Variants in RANBP10 observed in about 807,000 individuals in gnomAD.
RANBP10 encodes the protein ran-binding protein 10.
A neutral mutation model predicts 72.8 loss-of-function variants in RANBP10; 24 were observed. That is an observed-to-expected ratio of 0.33 (90% CI 0.24 to 0.46). The LOEUF (loss-of-function observed/expected upper bound fraction) is 0.46, where lower values mean the gene tolerates loss of function less well. Among genes scored for constraint, RANBP10 ranks in the 20% least tolerant of loss-of-function variants. RANBP10 has a pLI of 1.00. For synonymous variants in RANBP10, 310 were observed against 322.3 expected (o/e 0.96, Z 0.41); for missense variants, 679 against 817.5 (o/e 0.83, Z 2.07).
chr16:67,782,704 C>T (rs1383170176), intron 2 of RANBP10, among the ~76,000 whole-genome samples: 4 of 151,868 alleles, frequency 2.6e-5, no homozygotes, highest in Admixed American at 6.6e-5. Flanking sequence ...CCGCCCAGCT[C>T]GGCTTCCCAA....
chr16:67,765,654 G>A (rs1202255048), intron 3 of RANBP10, among the ~76,000 whole-genome samples: 1 of 151,874 alleles, frequency 6.6e-6, no homozygotes, highest in African/African-American at 2.4e-5. Flanking sequence ...GGCTAACACG[G>A]TGAGACCCCA....
chr16:67,772,402 G>A (rs1392366541), intron 2 of RANBP10, among the ~76,000 whole-genome samples: 1 of 152,190 alleles, frequency 6.6e-6, no homozygotes, highest in Non-Finnish European at 1.5e-5. Flanking sequence ...CTGTAGCTAA[G>A]GCACAGAATC....
chr16:67,749,351 C>G (rs1373427636), intron 3 of RANBP10, among the ~76,000 whole-genome samples: 1 of 152,216 alleles, frequency 6.6e-6, no homozygotes, highest in Non-Finnish European at 1.5e-5. Flanking sequence ...CAGCGGGAAA[C>G]AGGCCAAGAC....
intron 2 of RANBP10, among the ~76,000 whole-genome samples, chr16:67,797,304 A>G (rs2055150614): frequency 6.6e-6 from 1 of 152,242 alleles, no homozygotes; most frequent in East Asian, 1.9e-4. Context: ...GAAGGCAACG[A>G]CGCTCCCCAC....
chr16:67,734,053 T>G (rs897611567), intron 6 of RANBP10, among the ~76,000 whole-genome samples: 3 of 152,180 alleles, frequency 2.0e-5, no homozygotes, highest in African/African-American at 7.2e-5. Context: ...ACCTAGCCCC[T>G]GCCTCAGCCC....
chr16:67,752,701 G>C (rs1037836672), intron 3 of RANBP10, among the ~76,000 whole-genome samples: 2 of 152,062 alleles, frequency 1.3e-5, no homozygotes, highest in African/African-American at 4.8e-5. Context: ...GTTGAAAACA[G>C]AATGTTGCAT....
intron 3 of RANBP10, among the ~76,000 whole-genome samples, chr16:67,754,059 G>GGA (rs1271502309): frequency 6.6e-6 from 1 of 151,774 alleles, no homozygotes; most frequent in Non-Finnish European, 1.5e-5. Flanking sequence ...GCGTGAACCG[G>GGA]GAGGCGGAGC....
At chr16:67,754,805 C>T (rs1056826375) in intron 3 of RANBP10, among the ~76,000 whole-genome samples, 4 of 152,180 alleles carry the variant, frequency 2.6e-5, no homozygotes, top group Non-Finnish European at 4.4e-5. Context: ...CCGTGATAGG[C>T]CCTGGCCAGT....
intron 4 of RANBP10, among the ~76,000 whole-genome samples, chr16:67,742,696 G>A (rs537021027): frequency 1.4e-4 from 21 of 152,316 alleles, no homozygotes; most frequent in Admixed American, 2.6e-4. Context: ...GCCCCCATCC[G>A]TGAGCAAAAT....
chr16:67,783,412 C>G lies in RANBP10; in HGVS notation c.348-11326G>C, dbSNP rs115103868. Among the ~76,000 whole-genome samples the G allele has an allele frequency of 4.0e-3, 602 of 152,262 alleles. 3 individuals are homozygous for G. Among genetic ancestry groups the G allele is most frequent in the African/African-American group, 0.014 (574 of 41,544 alleles). ...TTTGAGAACCCTGCACAGAGAACCC[C>G]TTTGGCAACAAGTCTGACTTCCCCT... On this transcript the variant is annotated intron_variant, in intron 2 of 13. Transcript: ENST00000317506.
chr16:67,782,905 G>GCCATCTCTTAAAAGCCACTTT, intron 2 of RANBP10, among the ~76,000 whole-genome samples: 1 of 152,064 alleles, frequency 6.6e-6, no homozygotes, highest in African/African-American at 2.4e-5. Context: ...ACTTTTAAGA[G>GCCATCTCTTAAAAGCCACTTT]TAATGGCTAC....
chr16:67,731,523 T>C lies in RANBP10; in HGVS notation c.838A>G (p.Met280Val), dbSNP rs143305413. 8.1e-4 allele frequency: 1,311 copies of C among 1,614,208 alleles called. 12 individuals are homozygous for C. The African/African-American group carries it at 0.014, about 17-fold the overall frequency. ...TCTTCCTGAATCGGGGTTTCAGTCA[T>C]TCGAGCAAAAGCCGTGGCTGTGGCA... ...YCATATAFARMTETPIQEEQA... is the reference protein window; with the variant it reads ...YCATATAFARVTETPIQEEQA... Residue 280 changes from methionine to valine, a missense_variant, in exon 7 of 14, where the codon ATG (methionine) becomes GTG (valine). Coordinates refer to ENST00000317506, the MANE Select transcript of RANBP10 (RefSeq NM_020850.3).
At chr16:67,753,040 G>A (rs2054225262) in intron 3 of RANBP10, among the ~76,000 whole-genome samples, 1 of 152,006 alleles carries the variant, frequency 6.6e-6, no homozygotes. Flanking sequence ...AGGTGTTCGA[G>A]ACCAGCCTGG....
Position 67,734,970 on chromosome 16 carries a change from A to C in RANBP10, c.664T>G (p.Phe222Val). The C allele has an allele frequency of 6.2e-7, 1 of 1,614,128 alleles. No individual in the cohort carries two copies. The highest frequency in any genetic ancestry group is 8.5e-7 in the Non-Finnish European group (1 of 1,179,980). ...ATGTAGTCCTCAATGTCAAACAGGAAGGGCTGCTGCCCAAAGTTGGCGTCC... is the reference window on the plus strand; with the variant it reads ...ATGTAGTCCTCAATGTCAAACAGGACGGGCTGCTGCCCAAAGTTGGCGTCC... ...IVDANFGQQP[F>V]LFDIEDYMRE... Residue 222 changes from phenylalanine (F) to valine (V), a missense_variant, in exon 6 of 14, where the codon TTC becomes GTC. Coordinates refer to ENST00000317506, the MANE Select transcript of RANBP10 (RefSeq NM_020850.3).
intron 2 of RANBP10, among the ~76,000 whole-genome samples, chr16:67,805,081 C>T (rs937971689): frequency 1.3e-5 from 2 of 152,142 alleles, no homozygotes; most frequent in Non-Finnish European, 2.9e-5. Context: ...ATGAATACAG[C>T]AAGAATGTGA....
intron 3 of RANBP10, among the ~76,000 whole-genome samples, chr16:67,761,658 G>A (rs935747713): frequency 1.3e-5 from 2 of 151,976 alleles, no homozygotes; most frequent in African/African-American, 4.8e-5. Flanking sequence ...CAACCTCCAC[G>A]TCCTGGGTTC....
intron 5 of RANBP10, 54 bp from the exon 6 acceptor site, chr16:67,735,096 GC>G: frequency 4.1e-6 from 6 of 1,467,822 alleles, no homozygotes; most frequent in African/African-American, 1.4e-5. Flanking sequence ...GGGTTCTAAG[GC>G]CTCACCTCAC....
At chr16:67,803,611 T>C (rs1339854739) in intron 2 of RANBP10, among the ~76,000 whole-genome samples, 3 of 144,440 alleles carry the variant, frequency 2.1e-5, no homozygotes, top group African/African-American at 5.2e-5. Flanking sequence ...GATTGCGCCA[T>C]TGCACTCCAG....
Position 67,726,222 on chromosome 16 carries a change from A to T in RANBP10, c.*206T>A. On this transcript the variant is annotated 3_prime_UTR_variant, in exon 14 of 14. Coordinates refer to ENST00000317506, the MANE Select transcript of RANBP10 (RefSeq NM_020850.3). Reference sequence around the variant, plus strand: ...CCAATACTGTGTTACAGGCCGCTGCACGTGAAGGGGAGAGAGAGAGAGACT... The same window carrying T: ...CCAATACTGTGTTACAGGCCGCTGCTCGTGAAGGGGAGAGAGAGAGAGACT... 1.6e-6 allele frequency: 1 copy of T among 642,830 alleles called. No homozygotes were observed. Among genetic ancestry groups the T allele is most frequent in the Non-Finnish European group, 2.6e-6 (1 of 389,606 alleles). 39.8% of individuals were successfully genotyped at this position (642,830 alleles called of 1,614,324 possible).
Sources: allele counts gnomAD v4.1 joint callset (sites outside exome capture counted in the v4.1 genomes callset), GRCh38; gene constraint gnomAD v4.1.1; transcripts MANE v1.5; gene names NCBI Gene and HGNC (gene_info 2026-07-23, HGNC 2026-07-21).